The following SPATA3 variants were observed in gnomAD, a reference collection of about 807,000 sequenced individuals.
SPATA3 encodes spermatogenesis associated 3.
SPATA3 carries 6 observed loss-of-function variants against 5.7 expected under a neutral mutation model. The ratio of observed to expected loss-of-function variants is 1.06; its 90% CI spans 0.58 to 2.09. The LOEUF is 2.09. SPATA3 is among the 30% of genes most tolerant of loss of function. The pLI is 0.00. For synonymous variants in SPATA3, 44 were observed against 48.4 expected (o/e 0.91, Z 0.37); for missense variants, 155 against 130.4 (o/e 1.19, Z -0.92).
downstream of SPATA3, among the ~76,000 whole-genome samples, chr2:231,007,856 G>A (rs748902675): frequency 8.5e-5 from 13 of 152,162 alleles, no homozygotes; most frequent in Non-Finnish European, 1.8e-4. Context: ...TGTCAACGAG[G>A]GAAGGAGGCT....
chr2:231,014,572 G>A (rs1035526807), intron 6 of SPATA3, among the ~76,000 whole-genome samples: 3 of 152,086 alleles, frequency 2.0e-5, no homozygotes, highest in African/African-American at 4.8e-5. Context: ...CCTGGGGGAC[G>A]GAAGCTGCCC....
At chr2:231,005,421 TCACCACCAC>T (rs1307893392), downstream of SPATA3, among the ~76,000 whole-genome samples, 1 of 28,118 alleles carries the variant, frequency 3.6e-5, no homozygotes, top group Non-Finnish European at 7.0e-5. Flanking sequence ...ATCAGCATCA[TCACCACCAC>T]CACCACAATC....
At chr2:231,017,291 G>GC (rs1356164671) in intron 6 of SPATA3, among the ~76,000 whole-genome samples, 2 of 152,158 alleles carry the variant, frequency 1.3e-5, no homozygotes, top group Non-Finnish European at 2.9e-5. Flanking sequence ...CTTTCCCACT[G>GC]CCCCCCTTTG....
chr2:231,007,484 T>C (rs1002296289), downstream of SPATA3, among the ~76,000 whole-genome samples: 1 of 152,196 alleles, frequency 6.6e-6, no homozygotes, highest in Non-Finnish European at 1.5e-5. Context: ...GTGTTTGCTT[T>C]AGATTTTCTC....
downstream of SPATA3, chr2:231,002,811 G>A: frequency 7.0e-7 from 1 of 1,418,712 alleles, no homozygotes; most frequent in Non-Finnish European, 9.3e-7. Context: ...CAAGCCCCTA[G>A]GCCCACAGTC....
chr2:230,996,410 C>G, intron 1 of SPATA3: 1 of 1,552,108 alleles, frequency 6.4e-7, no homozygotes, highest in Non-Finnish European at 8.7e-7. Flanking sequence ...AGCATTCCAG[C>G]CTTGAAACCA....
chr2:231,002,577 G>C (rs898890281), intron 2 of SPATA3, 107 bp from the exon 3 acceptor site: 1 of 585,342 alleles, frequency 1.7e-6, no homozygotes, highest in Non-Finnish European at 2.9e-6. Context: ...GGGAAGATGG[G>C]TATTCCTGCA....
In SPATA3 at chr2:230,997,601, T is replaced by C. The variant is rs1018704702; in HGVS notation, c.791-2765T>C. Among the ~76,000 whole-genome samples, 7 of 152,352 alleles carry C rather than the reference T, an allele frequency of 4.6e-5. No individual in the cohort carries two copies. The South Asian group carries it at 6.2e-4, about 14-fold the overall frequency. On this transcript the variant is annotated intron_variant, in intron 1 of 2. Transcript: ENST00000645363. ...TTTGCTAAATTAGCAATCTTACCCA[T>C]GGAAGACATTAGTGACAGAAAGCCT...
chr2:230,996,707 G>A lies in SPATA3; in HGVS notation c.791-3659G>A, dbSNP rs890267364. Among the ~76,000 whole-genome samples the A allele has an allele frequency of 4.6e-5, 7 of 152,270 alleles. No homozygotes were observed. The South Asian group carries it at 1.2e-3, about 27-fold the overall frequency. On this transcript the variant is annotated intron_variant, in intron 1 of 2. Coordinates refer to ENST00000645363, the Ensembl canonical transcript of SPATA3. Reference sequence around the variant, plus strand: ...TTCTACCCAAGAGACCAGGATTCCTGGGTTTTGTCATTTCTCATCATCCTG... The same window carrying A: ...TTCTACCCAAGAGACCAGGATTCCTAGGTTTTGTCATTTCTCATCATCCTG...
rs13404075 is a variant in SPATA3, at chr2:231,017,289, C to A, written c.*566-2431C>A. On this transcript the variant is annotated intron_variant, in intron 6 of 8. Transcript: ENST00000452881. ...ATCTGACATGCTCTTTTCTTTCCCA[C>A]TGCCCCCCTTTGCCTTCCGTGGTAT... 4.5e-3 allele frequency among the ~76,000 whole-genome samples: 692 copies of A among 152,342 alleles called. 6 individuals are homozygous for A. Among genetic ancestry groups the A allele is most frequent in the African/African-American group, 0.016 (654 of 41,576 alleles).
At chr2:231,012,965 C>T (rs1189517128) in intron 5 of SPATA3, among the ~76,000 whole-genome samples, 1 of 152,220 alleles carries the variant, frequency 6.6e-6, no homozygotes, top group Non-Finnish European at 1.5e-5. Context: ...CTGCCTCCTG[C>T]GCACTTGGAC....
intron 6 of SPATA3, among the ~76,000 whole-genome samples, chr2:231,018,858 G>C (rs902668665): frequency 1.3e-5 from 2 of 151,330 alleles, no homozygotes; most frequent in Non-Finnish European, 2.9e-5. Flanking sequence ...CTAATTTTTT[G>C]TATTTTTAGT....
chr2:231,017,184 T>C (rs1326943426), intron 6 of SPATA3, among the ~76,000 whole-genome samples: 1 of 152,226 alleles, frequency 6.6e-6, no homozygotes. Context: ...CCTAGCTCCA[T>C]CTGGCTTAGA....
downstream of SPATA3, among the ~76,000 whole-genome samples, chr2:231,011,334 C>T (rs1343866438): frequency 6.6e-6 from 1 of 152,072 alleles, no homozygotes; most frequent in African/African-American, 2.4e-5. Context: ...AGGCTGGTCT[C>T]GAACTTCTGA....
At chr2:231,010,196 A>G (rs1197760924), downstream of SPATA3, among the ~76,000 whole-genome samples, 5 of 152,258 alleles carry the variant, frequency 3.3e-5, no homozygotes, top group Non-Finnish European at 5.9e-5. Flanking sequence ...AGAAAGGCAT[A>G]CACATTTATG....
intron 1 of SPATA3, among the ~76,000 whole-genome samples, chr2:230,998,103 G>C (rs1320035724): frequency 6.6e-6 from 1 of 152,156 alleles, no homozygotes; most frequent in African/African-American, 2.4e-5. Flanking sequence ...ATCTCTGTCC[G>C]AGCATCTCCT....
At chr2:231,000,454 T>C in exon 2 of SPATA3, 2 of 1,550,282 alleles carry the variant, frequency 1.3e-6, no homozygotes, top group South Asian at 2.4e-5. Flanking sequence ...GGCTATGCCA[T>C]AGCCGCATCT....
At chr2:231,015,159 G>T (rs1692897492) in intron 6 of SPATA3, among the ~76,000 whole-genome samples, 1 of 151,440 alleles carries the variant, frequency 6.6e-6, no homozygotes, top group Non-Finnish European at 1.5e-5. Context: ...ACCCTACAGA[G>T]TCCCAACTAA....
At chr2:231,013,560 G>A (rs1251663748) in intron 5 of SPATA3, among the ~76,000 whole-genome samples, 3 of 151,136 alleles carry the variant, frequency 2.0e-5, no homozygotes, top group Non-Finnish European at 2.9e-5. Flanking sequence ...GCACAACCTC[G>A]GCTCACCGCA....
Sources: gnomAD v4.1 joint callset for allele counts (sites outside exome capture counted in the v4.1 genomes callset) on GRCh38, gnomAD v4.1.1 for gene constraint, MANE v1.5 for transcripts, NCBI Gene and HGNC (gene_info 2026-07-23, HGNC 2026-07-21) for gene names.